Variants in ATF7IP observed in about 807,000 individuals in gnomAD.
ATF7IP encodes activating transcription factor 7-interacting protein 1.
A neutral mutation model predicts 106.4 loss-of-function variants in ATF7IP; 23 were observed. That is an observed-to-expected ratio of 0.22 (90% CI 0.16 to 0.31). ATF7IP has a LOEUF of 0.31. Ranked by LOEUF, ATF7IP falls within the 10% of genes least tolerant of loss-of-function variation. The probability of loss-of-function intolerance (pLI) is 1.00; values close to 1 mark genes in which losing one functional copy is unlikely to be tolerated. For missense variants in ATF7IP, 1,334 were observed against 1,524.3 expected (o/e 0.88, Z 2.08); for synonymous variants, 542 against 539.0 (o/e 1.01, Z -0.08).
Position 14,496,266 on chromosome 12 carries a change from G to A in ATF7IP, c.3316G>A (p.Val1106Ile). 6.2e-7 allele frequency: 1 copy of A among 1,613,852 alleles called. No individual in the cohort carries two copies. The highest frequency in any genetic ancestry group is 2.2e-5 in the East Asian group (1 of 44,846). ...TCGAGTGCCTCAAACAACCACATAT[G>A]TTGTAAACAATGGACTAACCCTGGG... ...TVRVPQTTTY[V>I]VNNGLTLGST... The change falls in exon 14 of 15, where the codon GTT (valine) becomes ATT (isoleucine). Residue 1106 changes from valine (V) to isoleucine (I), a missense_variant. Val to Ile is a conservative substitution (Grantham distance 29). Around this residue, in one of 10 missense-constraint regions of ATF7IP, gnomAD observed 370 missense variants for 401.2 expected, o/e 0.92. Transcript: ENST00000261168.
chr12:14,412,528 T>A (rs1254751726), intron 1 of ATF7IP, among the ~76,000 whole-genome samples: 1 of 152,162 alleles, frequency 6.6e-6, no homozygotes, highest in African/African-American at 2.4e-5. Flanking sequence ...TTACTCTAAA[T>A]GAGATTGTTT....
intron 13 of ATF7IP, among the ~76,000 whole-genome samples, chr12:14,489,200 A>T (rs1944726953): frequency 6.6e-6 from 1 of 152,108 alleles, no homozygotes; most frequent in Non-Finnish European, 1.5e-5. Context: ...ATACTAACAG[A>T]CGCCTTAATG....
intron 10 of ATF7IP, among the ~76,000 whole-genome samples, chr12:14,470,775 T>C (rs909843448): frequency 6.6e-6 from 1 of 152,214 alleles, no homozygotes; most frequent in Non-Finnish European, 1.5e-5. Context: ...TTAATAATTA[T>C]GGAAATAATT....
chr12:14,494,453 A>G (rs1229276884), intron 13 of ATF7IP, among the ~76,000 whole-genome samples: 1 of 145,192 alleles, frequency 6.9e-6, no homozygotes, highest in Non-Finnish European at 1.5e-5. Flanking sequence ...TATTAAACTA[A>G]TAGGGTATAT....
At chr12:14,488,999 G>T (rs1397905383) in intron 13 of ATF7IP, among the ~76,000 whole-genome samples, 1 of 152,188 alleles carries the variant, frequency 6.6e-6, no homozygotes, top group Non-Finnish European at 1.5e-5. Context: ...GTAGTAGCTG[G>T]TATTGATGAC....
At position 14,478,212 on chromosome 12, in the gene ATF7IP, G is replaced by A. The variant is rs535502115; in HGVS notation, c.2942-105G>A. On this transcript the variant is annotated intron_variant, in intron 11 of 14. Transcript: ENST00000261168. ...ATAAATTATTCTCTTAGAGGTAAAT[G>A]TGACACACAAGTGGCAAGCAAAAGT... The A allele has an allele frequency of 1.8e-5, 18 of 1,024,342 alleles. No individual in the cohort carries two copies. In the African/African-American group the frequency reaches 2.4e-4, roughly 14 times the overall value. The allele number at this position is 1,024,342 out of a possible 1,614,324, so 63.5% of individuals were successfully genotyped here. A position where few individuals can be genotyped will look rare whatever the true frequency, so the allele number is the denominator to read the frequency against.
At chr12:14,435,082 TGA>T (rs1046740186) in intron 3 of ATF7IP, among the ~76,000 whole-genome samples, 3 of 148,494 alleles carry the variant, frequency 2.0e-5, no homozygotes, top group Admixed American at 6.7e-5. Context: ...AGTGACACCT[TGA>T]GAGAGAGAGA....
intron 1 of ATF7IP, among the ~76,000 whole-genome samples, chr12:14,408,287 A>G (rs1357868541): frequency 6.6e-6 from 1 of 151,932 alleles, no homozygotes; most frequent in Non-Finnish European, 1.5e-5. Context: ...TTTTCCAAGA[A>G]AATAGAGTGT....
rs560855826 is a variant in ATF7IP, at chr12:14,423,072, G to A, written c.-7-837G>A. On this transcript the variant is annotated intron_variant, in intron 1 of 14. Coordinates refer to ENST00000261168, the MANE Select transcript of ATF7IP (RefSeq NM_018179.5). Reference sequence around the variant, plus strand: ...CCAACACTCATTATTCTCGTTGATTGTAGCCGTCCTGTCGTGTGTGCAGTG... The same window carrying A: ...CCAACACTCATTATTCTCGTTGATTATAGCCGTCCTGTCGTGTGTGCAGTG... Among the ~76,000 whole-genome samples, 9 of 152,146 alleles carry A rather than the reference G, an allele frequency of 5.9e-5. No individual in the cohort carries two copies. In the South Asian group the frequency reaches 6.2e-4, roughly 11 times the overall value.
At chr12:14,388,386 G>A (rs753708939) in intron 1 of ATF7IP, among the ~76,000 whole-genome samples, 7 of 148,914 alleles carry the variant, frequency 4.7e-5, no homozygotes, top group Admixed American at 1.3e-4. Context: ...TCACTCTGTC[G>A]CTGAGGCTGG....
At chr12:14,484,274 G>T (rs775278270) in intron 13 of ATF7IP, among the ~76,000 whole-genome samples, 53 of 152,118 alleles carry the variant, frequency 3.5e-4, no homozygotes, top group Non-Finnish European at 7.1e-4. Flanking sequence ...CTTGTTCATG[G>T]GCCCTTTGGG....
At chr12:14,365,891 G>A (rs1178426154) in intron 1 of ATF7IP, 64 bp downstream of exon 1, 1 of 152,434 alleles carries the variant, frequency 6.6e-6, no homozygotes, top group Non-Finnish European at 1.5e-5. Flanking sequence ...TATTTCTGAA[G>A]AGTCAAGACC....
intron 1 of ATF7IP, among the ~76,000 whole-genome samples, chr12:14,383,750 A>G (rs910992881): frequency 3.3e-4 from 50 of 152,092 alleles, no homozygotes; most frequent in African/African-American, 1.1e-3. Context: ...AGAGACAGAC[A>G]GAGATCTCGC....
At chr12:14,439,089 A>G (rs544877038) in intron 5 of ATF7IP, among the ~76,000 whole-genome samples, 1 of 152,336 alleles carries the variant, frequency 6.6e-6, no homozygotes, top group East Asian at 1.9e-4. Context: ...CTTAACATAC[A>G]ATACCAGAGC....
At chr12:14,437,295 C>T (rs1463896913) in intron 4 of ATF7IP, among the ~76,000 whole-genome samples, 1 of 152,082 alleles carries the variant, frequency 6.6e-6, no homozygotes, top group Non-Finnish European at 1.5e-5. Context: ...GGACAAAATT[C>T]TTTCATTAAA....
intron 1 of ATF7IP, among the ~76,000 whole-genome samples, chr12:14,368,950 GC>G (rs35540753): frequency 2.0e-5 from 3 of 151,108 alleles, no homozygotes; most frequent in East Asian, 1.9e-4. Flanking sequence ...AAAATGTACT[GC>G]CCCCCTTTTT....
At position 14,390,191 on chromosome 12, in the gene ATF7IP, A is replaced by G. The variant is rs548353190; in HGVS notation, c.-8+24364A>G. Among the ~76,000 whole-genome samples the G allele has an allele frequency of 1.5e-4, 23 of 152,366 alleles. No individual in the cohort carries two copies. In the South Asian group the frequency reaches 4.8e-3, roughly 32 times the overall value. On this transcript the variant is annotated intron_variant, in intron 1 of 14. Transcript: ENST00000261168. ...TTATTGGCAGCCTTAAATATCTAAAATATAACTTCTAACCCAAAAGAAAGT... is the reference window on the plus strand; with the variant it reads ...TTATTGGCAGCCTTAAATATCTAAAGTATAACTTCTAACCCAAAAGAAAGT...
chr12:14,436,077 A>G (rs781046668), intron 3 of ATF7IP, 29 bp from the exon 4 acceptor site: 65 of 1,607,710 alleles, frequency 4.0e-5, no homozygotes, highest in Non-Finnish European at 5.2e-5. Context: ...AAAACACCTG[A>G]GTGTGATCAT....
intron 1 of ATF7IP, among the ~76,000 whole-genome samples, chr12:14,416,677 A>T (rs755271871): frequency 1.3e-5 from 2 of 152,222 alleles, no homozygotes; most frequent in African/African-American, 4.8e-5. Flanking sequence ...ATCTAGAGTT[A>T]TATTCCTAAT....
Sources: allele counts gnomAD v4.1 joint callset (sites outside exome capture counted in the v4.1 genomes callset), GRCh38; gene constraint gnomAD v4.1.1; regional missense constraint gnomAD v4.1.1; transcripts MANE v1.5; gene names NCBI Gene and HGNC (gene_info 2026-07-23, HGNC 2026-07-21).